SPHK2: variants seen among roughly 807,000 people sequenced by gnomAD.
SPHK2 encodes sphingosine kinase 2.
Under a neutral mutation model 32.3 loss-of-function variants are expected in SPHK2, and 18 were observed. The ratio of observed to expected loss-of-function variants is 0.56; its 90% CI spans 0.39 to 0.83. The LOEUF (loss-of-function observed/expected upper bound fraction) is 0.83. SPHK2 is among the 40% of genes least tolerant of loss of function. The pLI is 0.00. For missense variants in SPHK2, 850 were observed against 908.7 expected (o/e 0.94, Z 0.83); for synonymous variants, 462 against 417.6 (o/e 1.11, Z -1.30).
At chr19:48,619,847 C>T (rs1974329778) in intron 1 of SPHK2, 1 of 152,766 alleles carries the variant, frequency 6.5e-6, no homozygotes, top group South Asian at 2.0e-4. Context: ...ATGGAGACTC[C>T]GTGGCTTGGG....
Position 48,619,532 on chromosome 19 carries a change from C to A in SPHK2, c.-125C>A. 3.7e-6 allele frequency: 1 copy of A among 273,032 alleles called. No individual in the cohort carries two copies. The highest frequency in any genetic ancestry group is 7.1e-6 in the Non-Finnish European group (1 of 140,642). The allele number at this position is 273,032 out of a possible 1,614,324, so 16.9% of individuals were successfully genotyped here. ...GTGGCTCCCGGAGGACCCGGCGGGC[C>A]CAGTGTTGGAGGTGAGGAGGCGGGG... On this transcript the variant is annotated 5_prime_UTR_variant, in exon 1 of 7. Transcript: ENST00000245222.
chr19:48,627,875 G>C (rs755176103), intron 4 of SPHK2, 34 bp downstream of exon 4: 2 of 1,596,090 alleles, frequency 1.3e-6, no homozygotes, highest in Non-Finnish European at 1.7e-6. Flanking sequence ...CTGGGGGCTG[G>C]GACAGCTGAG....
intron 2 of SPHK2, chr19:48,624,560 T>A (rs1974531393): frequency 1.3e-5 from 2 of 152,276 alleles, no homozygotes; most frequent in Non-Finnish European, 2.9e-5. Flanking sequence ...GGGCCAGGAC[T>A]GAACCCAGCC....
At chr19:48,621,678 C>T (rs1273432280) in intron 2 of SPHK2, among the ~76,000 whole-genome samples, 1 of 151,738 alleles carries the variant, frequency 6.6e-6, no homozygotes, top group Non-Finnish European at 1.5e-5. Flanking sequence ...GAGCACCGAA[C>T]AAAGAGTCAA....
In SPHK2 at chr19:48,627,960, G is replaced by T; in HGVS notation, c.662-15G>T. ...GGTGGGACAGCCTGCCTAACAGCCC[G>T]GTATCCCACTTCAGAACGACAGAAC... On this transcript the variant is annotated splice_polypyrimidine_tract_variant and intron_variant, in intron 4 of 6. Coordinates refer to ENST00000245222, the MANE Select transcript of SPHK2 (RefSeq NM_020126.5). 6.4e-7 allele frequency: 1 copy of T among 1,572,360 alleles called. No individual in the cohort carries two copies. The highest frequency in any genetic ancestry group is 8.6e-7 in the Non-Finnish European group (1 of 1,156,412).
In SPHK2 at chr19:48,628,925, C is replaced by T. The variant is rs868065313; in HGVS notation, c.1117C>T (p.Arg373Cys). ...VLGLATLHTY[R>C]GRLSYLPATV... ...GGGCCTCGCCACACTGCACACCTACCGCGGACGCCTCTCCTACCTCCCCGC... is the reference window on the plus strand; with the variant it reads ...GGGCCTCGCCACACTGCACACCTACTGCGGACGCCTCTCCTACCTCCCCGC... The change falls in exon 7 of 7, where the codon CGC becomes TGC. Residue 373 changes from arginine to cysteine, a missense_variant. Around this residue, in one of 2 missense-constraint regions of SPHK2, gnomAD observed 544 missense variants for 640.0 expected, o/e 0.85. Coordinates refer to ENST00000245222, the MANE Select transcript of SPHK2 (RefSeq NM_020126.5). The surrounding 1 kb of genome is among the most constrained non-coding windows in gnomAD (Gnocchi z 5.2). 11 of 1,613,314 alleles carry T rather than the reference C, an allele frequency of 6.8e-6. No individual in the cohort carries two copies. Among genetic ancestry groups the T allele is most frequent in the Middle Eastern group, 1.6e-4 (1 of 6,084 alleles).
chr19:48,627,874 G>A (rs751765232), intron 4 of SPHK2, 33 bp downstream of exon 4: 2 of 1,596,776 alleles, frequency 1.3e-6, no homozygotes, highest in East Asian at 4.5e-5. Context: ...GCTGGGGGCT[G>A]GGACAGCTGA....
Position 48,628,954 on chromosome 19 carries a change from T to G in SPHK2, c.1146T>G (p.Thr382=). The G allele has an allele frequency of 6.2e-7, 1 of 1,613,666 alleles. No homozygotes were observed. Among genetic ancestry groups the G allele is most frequent in the South Asian group, 1.1e-5 (1 of 91,088 alleles). The change falls in exon 7 of 7, where the codon ACT becomes ACG. Residue 382 remains threonine (T), a synonymous_variant. Transcript: ENST00000245222. The surrounding 1 kb of genome is among the most constrained non-coding windows in gnomAD (Gnocchi z 5.2). Reference sequence around the variant, plus strand: ...GACGCCTCTCCTACCTCCCCGCCACTGTGGAACCTGCCTCGCCCACCCCTG... The same window carrying G: ...GACGCCTCTCCTACCTCCCCGCCACGGTGGAACCTGCCTCGCCCACCCCTG... The part of the protein sequence containing the change: ...YRGRLSYLPA[T]VEPASPTPAH...
chr19:48,625,609 C>T, intron 2 of SPHK2: 1 of 1,479,984 alleles, frequency 6.8e-7, no homozygotes, highest in Non-Finnish European at 9.0e-7. Context: ...GCTGTGTTTG[C>T]TAGGCCTAGC....
At position 48,629,327 on chromosome 19, in the gene SPHK2, C is replaced by G. The variant is rs773910747; in HGVS notation, c.1519C>G (p.Arg507Gly). ...GCTCCCACTTCCCACCCCTGATGCC[C>G]GGGTAGGGGCCTCCACCTGCGGCCC... ...SGLPLPTPDA[R>G]VGASTCGPPD... is the part of the protein sequence containing the mutation. The change falls in exon 7 of 7, where the codon CGG becomes GGG. Residue 507 changes from arginine (R) to glycine (G), a missense_variant. Arg to Gly is a moderately radical substitution (Grantham distance 125). This residue lies in a region of SPHK2 where 306 missense variants were observed against 268.6 expected (regional missense o/e 1.14). Transcript: ENST00000245222. 1 of 1,613,212 alleles carries G rather than the reference C, an allele frequency of 6.2e-7. No individual in the cohort carries two copies.
chr19:48,622,189 G>T (rs1394440259), intron 2 of SPHK2, among the ~76,000 whole-genome samples: 1 of 151,518 alleles, frequency 6.6e-6, no homozygotes, highest in Non-Finnish European at 1.5e-5. Context: ...AACCCGGGAG[G>T]CGGAGCTTGC....
In SPHK2 at chr19:48,629,442, C is replaced by T. The variant is rs753481798; in HGVS notation, c.1634C>T (p.Ser545Leu). The T allele has an allele frequency of 1.9e-6, 3 of 1,609,230 alleles. No individual in the cohort carries two copies. The highest frequency in any genetic ancestry group is 2.2e-5 in the East Asian group (1 of 44,752). The change falls in exon 7 of 7, where the codon TCG becomes TTG. Residue 545 changes from serine to leucine, a missense_variant. Physicochemically the swap from Ser to Leu is moderately radical, Grantham distance 145. Transcript: ENST00000245222. ...EGDFVLMLAI[S>L]PSHLGADLVA... ...GACTTTGTGCTCATGTTGGCCATCT[C>T]GCCCAGCCACCTAGGCGCTGACCTG... is the stretch of plus-strand genomic sequence containing the variant.
In SPHK2 at chr19:48,630,077, G is replaced by T; in HGVS notation, c.*304G>T. ...GACGCTTGCCACCTGCTCCTACCCG[G>T]CCAGGATGGCTGAGGGCGGAGTCTA... is the stretch of plus-strand genomic sequence containing the variant. On this transcript the variant is annotated 3_prime_UTR_variant, in exon 7 of 7. Coordinates refer to ENST00000245222, the MANE Select transcript of SPHK2 (RefSeq NM_020126.5). The surrounding 1 kb of genome is among the most constrained non-coding windows in gnomAD (Gnocchi z 4.9). 2 of 1,280,982 alleles carry T rather than the reference G, an allele frequency of 1.6e-6. No homozygotes were observed. Among genetic ancestry groups the T allele is most frequent in the Non-Finnish European group, 2.0e-6 (2 of 1,013,968 alleles). The allele number at this position is 1,280,982 out of a possible 1,614,324, so 79.4% of individuals were successfully genotyped here.
In SPHK2 at chr19:48,629,967, C is replaced by T; in HGVS notation, c.*194C>T. ...GTCGTCACGGTTAAAGAGAAATGGG[C>T]TCGTCCCGAGGGTAGTGCCTGATCA... is the stretch of plus-strand genomic sequence containing the variant. On this transcript the variant is annotated 3_prime_UTR_variant, in exon 7 of 7. Coordinates refer to ENST00000245222, the MANE Select transcript of SPHK2 (RefSeq NM_020126.5). 3 of 1,409,980 alleles carry T rather than the reference C, an allele frequency of 2.1e-6. No individual in the cohort carries two copies. The highest frequency in any genetic ancestry group is 2.8e-6 in the Non-Finnish European group (3 of 1,086,626). The allele number at this position is 1,409,980 out of a possible 1,614,324, so 87.3% of individuals were successfully genotyped here. A position where few individuals can be genotyped will look rare whatever the true frequency, so the allele number is the denominator to read the frequency against.
In SPHK2 at chr19:48,629,325, C is replaced by G. The variant is rs1434464658; in HGVS notation, c.1517C>G (p.Ala506Gly). 1 of 1,613,256 alleles carries G rather than the reference C, an allele frequency of 6.2e-7. No individual in the cohort carries two copies. The highest frequency in any genetic ancestry group is 2.2e-5 in the East Asian group (1 of 44,868). Residue 506 changes from alanine (A) to glycine (G), a missense_variant, in exon 7 of 7, where the codon GCC becomes GGC. By Grantham distance (60) the Ala-to-Gly change is moderately conservative. Coordinates refer to ENST00000245222, the MANE Select transcript of SPHK2 (RefSeq NM_020126.5). ...GGGCTCCCACTTCCCACCCCTGATG[C>G]CCGGGTAGGGGCCTCCACCTGCGGC... ...SSGLPLPTPD[A>G]RVGASTCGPP...
chr19:48,625,127 A>C (rs1568430423), intron 2 of SPHK2: 1 of 996,754 alleles, frequency 1.0e-6, no homozygotes, highest in Non-Finnish European at 1.2e-6. Flanking sequence ...AGGCGCTCGC[A>C]TGTGGCTCCT....
intron 2 of SPHK2, among the ~76,000 whole-genome samples, chr19:48,621,965 T>C (rs760359395): frequency 4.6e-5 from 7 of 152,024 alleles, no homozygotes; most frequent in Non-Finnish European, 7.4e-5. Context: ...TTTAAAGGAC[T>C]CAATCTCGGG....
chr19:48,625,120 C>T (rs1448540127), intron 2 of SPHK2: 5 of 996,014 alleles, frequency 5.0e-6, no homozygotes, highest in Non-Finnish European at 6.0e-6. Context: ...CCCTTGCAGG[C>T]GCTCGCATGT....
rs1974593775 is a variant in SPHK2 at position 48,625,893 on chromosome 19, G to A, written c.42G>A (p.Arg14=). Residue 14 remains arginine, a splice_region_variant and synonymous_variant, in exon 3 of 7, where the codon AGG becomes AGA. Coordinates refer to ENST00000245222, the MANE Select transcript of SPHK2 (RefSeq NM_020126.5). Reference sequence around the variant, plus strand: ...CCTTCTCTCCTCCCTTCCCACAGAGGCCAGACCAGGAGCTGACCGGGAGCT... The same window carrying A: ...CCTTCTCTCCTCCCTTCCCACAGAGACCAGACCAGGAGCTGACCGGGAGCT... ...HLEAEEQQDQ[R]PDQELTGSWG... 1.2e-6 allele frequency: 2 copies of A among 1,611,544 alleles called. No homozygotes were observed. The highest frequency in any genetic ancestry group is 3.3e-5 in the Admixed American group (2 of 59,948).
Sources: gnomAD v4.1 joint callset for allele counts (sites outside exome capture counted in the v4.1 genomes callset) on GRCh38, gnomAD v4.1.1 for gene constraint, gnomAD v4.1.1 regional missense constraint, Gnocchi (gnomAD v3.1) non-coding constraint, MANE v1.5 for transcripts, NCBI Gene and HGNC (gene_info 2026-07-23, HGNC 2026-07-21) for gene names.